The following EXT1 variants were observed in gnomAD, a reference collection of about 807,000 sequenced individuals.
EXT1 encodes exostosin-1.
A neutral mutation model predicts 82.5 loss-of-function variants in EXT1; 20 were observed. The ratio of observed to expected loss-of-function variants is 0.24; its 90% CI spans 0.17 to 0.35. The LOEUF (loss-of-function observed/expected upper bound fraction) is 0.35, where lower values mean the gene tolerates loss of function less well. Among genes scored for constraint, EXT1 ranks in the 10% least tolerant of loss-of-function variants. The probability of loss-of-function intolerance (pLI) is 1.00; values close to 1 mark genes in which losing one functional copy is unlikely to be tolerated. For missense variants in EXT1, 757 were observed against 936.5 expected (o/e 0.81, Z 2.50); for synonymous variants, 348 against 350.8 (o/e 0.99, Z 0.09).
chr8:118,033,064 A>T (rs1816359747), intron 1 of EXT1, among the ~76,000 whole-genome samples: 1 of 152,194 alleles, frequency 6.6e-6, no homozygotes, highest in Non-Finnish European at 1.5e-5. Flanking sequence ...AAGTAACTTC[A>T]GGTATTTATG....
intron 1 of EXT1, among the ~76,000 whole-genome samples, chr8:118,019,248 A>AAAG (rs1421977977): frequency 7.4e-6 from 1 of 134,942 alleles, no homozygotes; most frequent in Non-Finnish European, 1.5e-5. Flanking sequence ...AGTACGATTG[A>AAAG]AAGAAAGAAA....
At chr8:117,904,428 T>C (rs929901274) in intron 1 of EXT1, among the ~76,000 whole-genome samples, 1 of 152,232 alleles carries the variant, frequency 6.6e-6, no homozygotes, top group African/African-American at 2.4e-5. Flanking sequence ...CTAGATTGTA[T>C]ATTACTTTAG....
intron 1 of EXT1, among the ~76,000 whole-genome samples, chr8:117,938,224 G>A (rs945183878): frequency 7.2e-5 from 11 of 151,906 alleles, no homozygotes; most frequent in South Asian, 6.2e-4. Context: ...CACTTTGGGC[G>A]GCTGAAGCAG....
chr8:117,904,961 T>C (rs975545497), intron 1 of EXT1, among the ~76,000 whole-genome samples: 2 of 152,188 alleles, frequency 1.3e-5, no homozygotes, highest in East Asian at 3.9e-4. Context: ...TTGTGAAAAC[T>C]GGTCAAGCTG....
intron 1 of EXT1, among the ~76,000 whole-genome samples, chr8:118,086,026 G>A (rs981496955): frequency 2.0e-5 from 3 of 152,100 alleles, no homozygotes; most frequent in African/African-American, 7.2e-5. Flanking sequence ...CCTACTCAGC[G>A]AGGCCTCATT....
At chr8:118,038,777 A>C (rs921882309) in intron 1 of EXT1, among the ~76,000 whole-genome samples, 2 of 152,210 alleles carry the variant, frequency 1.3e-5, no homozygotes, top group South Asian at 2.1e-4. Context: ...ATTAAACTAC[A>C]TCTAAAAGAT....
chr8:117,959,327 C>T (rs1260615364), intron 1 of EXT1, among the ~76,000 whole-genome samples: 3 of 152,222 alleles, frequency 2.0e-5, no homozygotes, highest in Non-Finnish European at 2.9e-5. Context: ...TAGCCTGTTC[C>T]CCTGGCCTCA....
intron 1 of EXT1, among the ~76,000 whole-genome samples, chr8:117,983,275 G>A (rs1208252194): frequency 2.0e-5 from 3 of 152,160 alleles, no homozygotes; most frequent in African/African-American, 7.2e-5. Flanking sequence ...TTCGAGTCCA[G>A]GAGTTTGAGA....
At chr8:117,809,609 C>T (rs560692668) in intron 8 of EXT1, among the ~76,000 whole-genome samples, 19 of 148,654 alleles carry the variant, frequency 1.3e-4, no homozygotes, top group Non-Finnish European at 2.2e-4. Flanking sequence ...TGCCCCCTAT[C>T]GTGGGCGGCA....
At chr8:118,076,362 T>C (rs1216879953) in intron 1 of EXT1, among the ~76,000 whole-genome samples, 3 of 152,250 alleles carry the variant, frequency 2.0e-5, no homozygotes, top group Non-Finnish European at 4.4e-5. Context: ...AATGTAGATA[T>C]AATTGGCTGG....
intron 10 of EXT1, among the ~76,000 whole-genome samples, chr8:117,801,625 C>T (rs1190401890): frequency 6.6e-6 from 1 of 152,142 alleles, no homozygotes; most frequent in East Asian, 1.9e-4. Context: ...TGTGTCTCAG[C>T]CTCCCAAGTA....
chr8:117,925,359 C>CAAAA (rs5894404), intron 1 of EXT1, among the ~76,000 whole-genome samples: 2 of 142,442 alleles, frequency 1.4e-5, no homozygotes, highest in Non-Finnish European at 1.5e-5. Context: ...GCAACCACCT[C>CAAAA]AAAAAAAAAA....
chr8:117,826,515 C>CT (rs1812010161), intron 4 of EXT1, among the ~76,000 whole-genome samples: 1 of 152,170 alleles, frequency 6.6e-6, no homozygotes, highest in Admixed American at 6.5e-5. Context: ...AAGTTCACAT[C>CT]TTTGATACGT....
chr8:118,039,019 A>G (rs925809084), intron 1 of EXT1, among the ~76,000 whole-genome samples: 1 of 152,178 alleles, frequency 6.6e-6, no homozygotes, highest in Non-Finnish European at 1.5e-5. Flanking sequence ...ACACAGACGC[A>G]CTCCAACAAG....
chr8:117,905,986 C>CA (rs1224406639), intron 1 of EXT1, among the ~76,000 whole-genome samples: 4 of 152,206 alleles, frequency 2.6e-5, no homozygotes, highest in African/African-American at 9.6e-5. Flanking sequence ...TCTCTCCCAA[C>CA]AGGCTGTGGT....
intron 1 of EXT1, among the ~76,000 whole-genome samples, chr8:117,979,310 C>T (rs543138578): frequency 6.6e-6 from 1 of 151,668 alleles, no homozygotes; most frequent in East Asian, 1.9e-4. Context: ...GCCGAGATTG[C>T]ACCATTGCAC....
intron 1 of EXT1, among the ~76,000 whole-genome samples, chr8:117,892,772 T>C (rs191641927): frequency 2.0e-4 from 30 of 152,272 alleles, no homozygotes; most frequent in Non-Finnish European, 2.8e-4. Context: ...TAAGAACTGG[T>C]TGAATGCTGG....
intron 1 of EXT1, among the ~76,000 whole-genome samples, chr8:117,845,561 A>T: frequency 7.1e-6 from 1 of 141,076 alleles, no homozygotes; most frequent in South Asian, 2.4e-4. Context: ...GTAAGTAAAA[A>T]AAAAAAATAA....
chr8:117,833,403 T>C (rs959057103), intron 3 of EXT1, among the ~76,000 whole-genome samples: 1 of 152,022 alleles, frequency 6.6e-6, no homozygotes, highest in East Asian at 1.9e-4. Flanking sequence ...GATCACGAGG[T>C]CAGGAGTTCA....
Sources: gnomAD v4.1 joint callset for allele counts (sites outside exome capture counted in the v4.1 genomes callset) on GRCh38, gnomAD v4.1.1 for gene constraint, MANE v1.5 for transcripts, NCBI Gene and HGNC (gene_info 2026-07-23, HGNC 2026-07-21) for gene names.